CCSER1: variants seen among roughly 807,000 people sequenced by gnomAD.
The protein encoded by CCSER1 is serine-rich coiled-coil domain-containing protein 1.
CCSER1 carries 41 observed loss-of-function variants against 82.0 expected under a neutral mutation model. The ratio of observed to expected loss-of-function variants is 0.50; its 90% CI spans 0.39 to 0.65. The LOEUF (loss-of-function observed/expected upper bound fraction) is 0.65, where lower values mean the gene tolerates loss of function less well. Ranked by LOEUF, CCSER1 falls within the 30% of genes least tolerant of loss-of-function variation. CCSER1 has a pLI of 0.00. For synonymous variants in CCSER1, 414 were observed against 383.9 expected (o/e 1.08, Z -0.92); for missense variants, 1,119 against 1,064.2 (o/e 1.05, Z -0.72).
At chr4:90,736,057 G>T (rs1580220806) in intron 7 of CCSER1, among the ~76,000 whole-genome samples, 1 of 151,956 alleles carries the variant, frequency 6.6e-6, no homozygotes, top group Non-Finnish European at 1.5e-5. Flanking sequence ...ATTCTATTGT[G>T]GTCAAAGAAG....
At chr4:90,160,461 G>GTCCTCTC (rs1729228394) in intron 1 of CCSER1, among the ~76,000 whole-genome samples, 2 of 152,164 alleles carry the variant, frequency 1.3e-5, no homozygotes, top group Admixed American at 1.3e-4. Context: ...GGAGATTTCA[G>GTCCTCTC]TGACAAAGAA....
At chr4:91,442,990 T>C (rs1755289619) in intron 10 of CCSER1, among the ~76,000 whole-genome samples, 1 of 152,176 alleles carries the variant, frequency 6.6e-6, no homozygotes, top group South Asian at 2.1e-4. Context: ...CTGGAGAGGA[T>C]GTGGAGAAAC....
chr4:90,765,744 T>C (rs1236187814), intron 7 of CCSER1, among the ~76,000 whole-genome samples: 1 of 152,156 alleles, frequency 6.6e-6, no homozygotes, highest in Non-Finnish European at 1.5e-5. Flanking sequence ...AAATATACAA[T>C]GATAGGCCAG....
chr4:91,312,862 T>A (rs1745581949), intron 10 of CCSER1, among the ~76,000 whole-genome samples: 1 of 151,978 alleles, frequency 6.6e-6, no homozygotes, highest in African/African-American at 2.4e-5. Context: ...AGGAGATAAA[T>A]AACTAAATAA....
intron 7 of CCSER1, among the ~76,000 whole-genome samples, chr4:90,748,887 TG>T (rs1339067870): frequency 1.3e-5 from 2 of 150,768 alleles, no homozygotes; most frequent in Admixed American, 6.6e-5. Flanking sequence ...TGGGGTTGTT[TG>T]TTTTTTTCTT....
chr4:90,419,030 A>C (rs1057387921), intron 4 of CCSER1, among the ~76,000 whole-genome samples: 1 of 152,038 alleles, frequency 6.6e-6, no homozygotes, highest in Non-Finnish European at 1.5e-5. Context: ...TTACAGAGCT[A>C]TTCTTGGGTT....
intron 10 of CCSER1, among the ~76,000 whole-genome samples, chr4:91,213,471 T>C (rs979672829): frequency 1.3e-5 from 2 of 152,114 alleles, no homozygotes; most frequent in African/African-American, 4.8e-5. Context: ...ATGTAAACAT[T>C]CCAAATGAAC....
At chr4:91,594,323 A>T (rs905722327) in intron 10 of CCSER1, among the ~76,000 whole-genome samples, 13 of 149,326 alleles carry the variant, frequency 8.7e-5, no homozygotes, top group African/African-American at 2.7e-4. Flanking sequence ...GTATATATAC[A>T]TATATGTACA....
At chr4:90,406,839 C>G (rs1753811721) in intron 4 of CCSER1, among the ~76,000 whole-genome samples, 3 of 152,062 alleles carry the variant, frequency 2.0e-5, no homozygotes, top group Admixed American at 2.0e-4. Flanking sequence ...ATCAAAACCT[C>G]TGGGATATAG....
rs147381289 is a variant in CCSER1, at chr4:90,750,048, G to T, written c.2010+26057G>T. ...TGTATTTCTCTGATGGCCAGTGATG[G>T]TGAGCATTTTTTCATGTGTTTTTTG... On this transcript the variant is annotated intron_variant, in intron 7 of 10. Coordinates refer to ENST00000509176, the MANE Select transcript of CCSER1 (RefSeq NM_001145065.2). 8.3e-3 allele frequency among the ~76,000 whole-genome samples: 1,262 copies of T among 152,132 alleles called. 17 individuals are homozygous for T. Among genetic ancestry groups the T allele is most frequent in the African/African-American group, 0.028 (1,180 of 41,534 alleles).
chr4:91,514,893 T>C (rs917262595), intron 10 of CCSER1, among the ~76,000 whole-genome samples: 5 of 152,334 alleles, frequency 3.3e-5, no homozygotes, highest in Middle Eastern at 3.4e-3. Flanking sequence ...ATATCCTTTT[T>C]ATTTTTTGTT....
chr4:90,943,266 G>C (rs928088836), intron 9 of CCSER1, among the ~76,000 whole-genome samples: 1 of 151,968 alleles, frequency 6.6e-6, no homozygotes, highest in African/African-American at 2.4e-5. Context: ...TGTTTACCTC[G>C]TGGTTCATAT....
intron 10 of CCSER1, among the ~76,000 whole-genome samples, chr4:91,469,801 G>T (rs1578544503): frequency 6.6e-6 from 1 of 152,142 alleles, no homozygotes; most frequent in Admixed American, 6.6e-5. Context: ...GACTAATTTT[G>T]TATGTTTTGG....
chr4:90,690,635 C>T (rs576330497), intron 6 of CCSER1, among the ~76,000 whole-genome samples: 1 of 152,214 alleles, frequency 6.6e-6, no homozygotes, highest in South Asian at 2.1e-4. Flanking sequence ...GTGTATTTCT[C>T]TTACCCGGTC....
At chr4:90,460,334 A>AAAAAAAAAAAAAAAC (rs1560551637) in intron 4 of CCSER1, among the ~76,000 whole-genome samples, 1 of 147,070 alleles carries the variant, frequency 6.8e-6, no homozygotes, top group East Asian at 2.0e-4. Flanking sequence ...CAAAAAAAAA[A>AAAAAAAAAAAAAAAC]AAAAAAAAAA....
chr4:91,261,949 G>A (rs1193333967), intron 10 of CCSER1, among the ~76,000 whole-genome samples: 1 of 151,806 alleles, frequency 6.6e-6, no homozygotes, highest in African/African-American at 2.4e-5. Flanking sequence ...AACTGTGCAT[G>A]GTAGATTTGA....
At chr4:91,577,515 C>T (rs563678259) in intron 10 of CCSER1, among the ~76,000 whole-genome samples, 4 of 151,970 alleles carry the variant, frequency 2.6e-5, no homozygotes, top group Non-Finnish European at 5.9e-5. Context: ...ATATTTTTAT[C>T]ACCAGGAGGA....
chr4:90,877,666 C>G (rs1297598278), intron 8 of CCSER1, among the ~76,000 whole-genome samples: 2 of 146,162 alleles, frequency 1.4e-5, no homozygotes, highest in African/African-American at 5.1e-5. Context: ...TACCCAGATG[C>G]ATTTGATTGA....
chr4:90,322,634 C>T (rs1336079430), intron 3 of CCSER1, among the ~76,000 whole-genome samples: 1 of 152,114 alleles, frequency 6.6e-6, no homozygotes, highest in Non-Finnish European at 1.5e-5. Flanking sequence ...ATCAGTGTTT[C>T]ATAGTTTTTA....
Sources: allele counts gnomAD v4.1 joint callset (sites outside exome capture counted in the v4.1 genomes callset), GRCh38; gene constraint gnomAD v4.1.1; transcripts MANE v1.5; gene names NCBI Gene and HGNC (gene_info 2026-07-23, HGNC 2026-07-21).